The following UHRF2 variants were observed in gnomAD, a reference collection of about 807,000 sequenced individuals.
The protein encoded by UHRF2 is E3 ubiquitin-protein ligase UHRF2.
Under a neutral mutation model 96.8 loss-of-function variants are expected in UHRF2, and 23 were observed. That is an observed-to-expected ratio of 0.24 (90% CI 0.17 to 0.34). The LOEUF (loss-of-function observed/expected upper bound fraction) is 0.34, where lower values mean the gene tolerates loss of function less well. UHRF2 is among the 10% of genes least tolerant of loss of function. UHRF2 has a pLI of 1.00. For missense variants in UHRF2, 685 were observed against 981.5 expected, an observed-to-expected ratio of 0.70 and a Z score of 4.04; for synonymous variants, 385 against 332.6, an observed-to-expected ratio of 1.16 and a Z score of -1.72.
chr9:6,425,548 A>G (rs527527998), intron 2 of UHRF2, among the ~76,000 whole-genome samples: 86 of 151,942 alleles, frequency 5.7e-4, no homozygotes, highest in African/African-American at 2.0e-3. Flanking sequence ...ACAGGTCAGG[A>G]GTTTGAGATC....
chr9:6,469,394 T>A (rs1024527334), intron 4 of UHRF2, among the ~76,000 whole-genome samples: 1 of 152,030 alleles, frequency 6.6e-6, no homozygotes, highest in African/African-American at 2.4e-5. Flanking sequence ...GGCAGGTGCC[T>A]GTAGTCCCAG....
At chr9:6,446,461 A>T (rs1044929756) in intron 3 of UHRF2, among the ~76,000 whole-genome samples, 1 of 151,242 alleles carries the variant, frequency 6.6e-6, no homozygotes, top group Non-Finnish European at 1.5e-5. Flanking sequence ...TTTAATTTTT[A>T]GTAGAAGCAG....
At chr9:6,419,374 A>G (rs1225184502) in intron 1 of UHRF2, among the ~76,000 whole-genome samples, 3 of 152,204 alleles carry the variant, frequency 2.0e-5, no homozygotes, top group African/African-American at 7.2e-5. Context: ...AGACTTCTTG[A>G]TAAAACTTGA....
intron 8 of UHRF2, among the ~76,000 whole-genome samples, chr9:6,484,019 C>G (rs13294924): frequency 0.032 from 4,815 of 151,980 alleles, 97 homozygotes; most frequent in Middle Eastern, 0.072. Context: ...TCAGAGGCAG[C>G]CACTTTAAAA....
rs574236406 is a variant in UHRF2 at position 6,447,576 on chromosome 9, T to A, written c.645-12997T>A. On this transcript the variant is annotated intron_variant, in intron 3 of 15. Coordinates refer to ENST00000276893, the MANE Select transcript of UHRF2 (RefSeq NM_152896.3). ...TGGAGTGTAGAAAGCATATAGTGAG[T>A]AAGAAGAAATGAAACTAAAGGTAAA... 2.0e-5 allele frequency among the ~76,000 whole-genome samples: 3 copies of A among 152,102 alleles called. No individual in the cohort carries two copies. The East Asian group carries it at 5.8e-4, about 29-fold the overall frequency.
At chr9:6,504,820 C>A in intron 15 of UHRF2, 129 bp downstream of exon 15, 1 of 577,862 alleles carries the variant, frequency 1.7e-6, no homozygotes, top group Non-Finnish European at 2.9e-6. Context: ...AGTTAAGAAG[C>A]ATTTAGTTAC....
chr9:6,451,638 T>A (rs407351), intron 3 of UHRF2, among the ~76,000 whole-genome samples: 118,344 of 151,400 alleles, frequency 0.78, 46,565 homozygotes, highest in East Asian at 0.86. Context: ...CCGCCACCAC[T>A]CCCGGCTAAT....
At chr9:6,469,715 C>CATATATATACACGT (rs1213727136) in intron 4 of UHRF2, among the ~76,000 whole-genome samples, 1 of 90,988 alleles carries the variant, frequency 1.1e-5, no homozygotes, top group African/African-American at 8.0e-5. Flanking sequence ...CATATACACA[C>CATATATATACACGT]ATATATGTGC....
rs1424345326 is a variant in UHRF2, at chr9:6,504,616, A to G, written c.2187A>G (p.Gln729=). The G allele has an allele frequency of 5.0e-6, 8 of 1,613,662 alleles. No individual in the cohort carries two copies. Among genetic ancestry groups the G allele is most frequent in the South Asian group, 3.3e-5 (3 of 90,978 alleles). Reference sequence around the variant, plus strand: ...AGAATTTTCTGAAAAAATTGGAACAATCTTTTATGTGCGTTTGCTGTCAGG... The same window carrying G: ...AGAATTTTCTGAAAAAATTGGAACAGTCTTTTATGTGCGTTTGCTGTCAGG... ...EGPNFLKKLE[Q]SFMCVCCQEL... is the part of the protein sequence containing the mutation. The change falls in exon 15 of 16, where the codon CAA becomes CAG. Residue 729 remains glutamine (Q), a synonymous_variant. Coordinates refer to ENST00000276893, the MANE Select transcript of UHRF2 (RefSeq NM_152896.3).
chr9:6,505,345 G>C (rs1179092530), intron 15 of UHRF2, among the ~76,000 whole-genome samples: 1 of 152,074 alleles, frequency 6.6e-6, no homozygotes, highest in Non-Finnish European at 1.5e-5. Context: ...GTTCAGGGTA[G>C]AGTGTAGTGG....
At chr9:6,436,415 A>ATAG (rs1195094119) in intron 3 of UHRF2, among the ~76,000 whole-genome samples, 7 of 152,202 alleles carry the variant, frequency 4.6e-5, no homozygotes, top group Non-Finnish European at 2.9e-5. Flanking sequence ...TGGTGTATTA[A>ATAG]TAGTAAGTGG....
chr9:6,418,777 T>C (rs1819755526), intron 1 of UHRF2, among the ~76,000 whole-genome samples: 1 of 152,202 alleles, frequency 6.6e-6, no homozygotes, highest in Non-Finnish European at 1.5e-5. Flanking sequence ...AAATGGAGAC[T>C]TAATTTCCTA....
chr9:6,444,068 A>T (rs897062844), intron 3 of UHRF2, among the ~76,000 whole-genome samples: 1 of 152,188 alleles, frequency 6.6e-6, no homozygotes, highest in African/African-American at 2.4e-5. Context: ...TCTTTTTTCT[A>T]AGAGTTCCAA....
At chr9:6,470,897 A>T (rs1279111311) in intron 4 of UHRF2, among the ~76,000 whole-genome samples, 1 of 152,246 alleles carries the variant, frequency 6.6e-6, no homozygotes, top group African/African-American at 2.4e-5. Context: ...GAAAACATAC[A>T]GTAAAATGGC....
Position 6,493,731 on chromosome 9 carries a change from A to G in UHRF2, c.1498-95A>G. The G allele has an allele frequency of 3.6e-6, 4 of 1,098,572 alleles. No homozygotes were observed. In the East Asian group the frequency reaches 7.7e-5, roughly 21 times the overall value. The allele number at this position is 1,098,572 out of a possible 1,614,324, so 68.1% of individuals were successfully genotyped here. On this transcript the variant is annotated intron_variant, in intron 9 of 15. Transcript: ENST00000276893. ...ATGCCTCAAGAGAAAATGTCAACTC[A>G]TAACATCCTAATGAAATGTTTTGAC...
At chr9:6,486,531 T>C (rs1329318958) in intron 8 of UHRF2, among the ~76,000 whole-genome samples, 1 of 152,222 alleles carries the variant, frequency 6.6e-6, no homozygotes, top group Admixed American at 6.5e-5. Flanking sequence ...AAGATGATTA[T>C]TTACTAGTTA....
chr9:6,463,867 GA>G (rs1186695641), intron 4 of UHRF2, among the ~76,000 whole-genome samples: 1 of 152,116 alleles, frequency 6.6e-6, no homozygotes, highest in East Asian at 1.9e-4. Flanking sequence ...TTCTGCTGTT[GA>G]TAGGCATTTT....
intron 3 of UHRF2, among the ~76,000 whole-genome samples, chr9:6,442,059 G>C (rs996527038): frequency 6.6e-6 from 1 of 152,100 alleles, no homozygotes; most frequent in Non-Finnish European, 1.5e-5. Flanking sequence ...TCTGCCTCCT[G>C]GGTTCAACAA....
At chr9:6,499,309 C>T (rs1489221841) in intron 12 of UHRF2, 1 of 123,402 alleles carries the variant, frequency 8.1e-6, no homozygotes, top group South Asian at 2.7e-4. Flanking sequence ...GAATGTATTA[C>T]TTCAAATCTA....
Sources: gnomAD v4.1 joint callset for allele counts (sites outside exome capture counted in the v4.1 genomes callset) on GRCh38, gnomAD v4.1.1 for gene constraint, MANE v1.5 for transcripts, NCBI Gene and HGNC (gene_info 2026-07-23, HGNC 2026-07-21) for gene names.